NIN: variants seen among roughly 807,000 people sequenced by gnomAD.
NIN encodes the protein ninein.
A neutral mutation model predicts 257.6 loss-of-function variants in NIN; 137 were observed. The ratio of observed to expected loss-of-function variants is 0.53; its 90% CI spans 0.46 to 0.61. The LOEUF is 0.61. NIN is among the 20% of genes least tolerant of loss of function. The pLI is 0.00. For synonymous variants in NIN, 918 were observed against 919.8 expected (o/e 1.00, Z 0.04); for missense variants, 2,439 against 2,501.2 (o/e 0.98, Z 0.53).
chr14:50,726,668 A>C (rs1188391570), intron 29 of NIN, among the ~76,000 whole-genome samples: 1 of 152,186 alleles, frequency 6.6e-6, no homozygotes, highest in South Asian at 2.1e-4. Flanking sequence ...TTACTATCAG[A>C]GCAGATTGAA....
intron 30 of NIN, among the ~76,000 whole-genome samples, chr14:50,725,159 A>G (rs2040361338): frequency 6.6e-6 from 1 of 152,156 alleles, no homozygotes. Flanking sequence ...GTTGCTGTCT[A>G]CAGCTGAATT....
intron 3 of NIN, among the ~76,000 whole-genome samples, chr14:50,819,915 A>G (rs1188954755): frequency 1.3e-5 from 2 of 152,228 alleles, no homozygotes; most frequent in African/African-American, 4.8e-5. Context: ...CATGAAAATG[A>G]TAACACTTGG....
intron 29 of NIN, among the ~76,000 whole-genome samples, chr14:50,727,911 T>A (rs962696774): frequency 2.0e-5 from 3 of 152,132 alleles, no homozygotes; most frequent in African/African-American, 7.2e-5. Flanking sequence ...AGAGATCACA[T>A]CACTCCACAC....
Position 50,777,159 on chromosome 14 carries a change from T to C in NIN, c.476-20A>G, listed in dbSNP as rs1172100269. Reference sequence around the variant, plus strand: ...ACTGGCCTGAGAGAGAAGCATATGTTGCACGGTTTCCAAAGGAATTGCAAA... The same window carrying C: ...ACTGGCCTGAGAGAGAAGCATATGTCGCACGGTTTCCAAAGGAATTGCAAA... On this transcript the variant is annotated intron_variant, in intron 6 of 30. Coordinates refer to ENST00000530997, the MANE Select transcript of NIN (RefSeq NM_020921.4). 5 of 1,552,900 alleles carry C rather than the reference T, an allele frequency of 3.2e-6. No homozygotes were observed. Among genetic ancestry groups the C allele is most frequent in the Non-Finnish European group, 4.3e-6 (5 of 1,150,524 alleles).
intron 2 of NIN, among the ~76,000 whole-genome samples, chr14:50,825,046 G>A (rs543997195): frequency 2.0e-5 from 3 of 152,320 alleles, no homozygotes; most frequent in South Asian, 2.1e-4. Flanking sequence ...AAGTCCCCTC[G>A]ATTACAGCAT....
chr14:50,757,739 C>T lies in NIN; in HGVS notation c.3291G>A (p.Lys1097=), dbSNP rs1374867809. 1 of 1,614,174 alleles carries T rather than the reference C, an allele frequency of 6.2e-7. No homozygotes were observed. Among genetic ancestry groups the T allele is most frequent in the Non-Finnish European group, 8.5e-7 (1 of 1,180,022 alleles). ...EISRLQQRLQ[K]LEPGLVMSSC... ...AAGACATTACTAACCCTGGCTCTAA[C>T]TTTTGTAGCCTCTGTTGCAATCTAG... Residue 1097 remains lysine, a synonymous_variant, in exon 18 of 31, where the codon AAG becomes AAA. Coordinates refer to ENST00000530997, the MANE Select transcript of NIN (RefSeq NM_020921.4).
chr14:50,746,165 A>G (rs950562202), intron 22 of NIN, among the ~76,000 whole-genome samples: 1 of 152,114 alleles, frequency 6.6e-6, no homozygotes, highest in African/African-American at 2.4e-5. Context: ...TTCCCATACT[A>G]TGAATTTGAA....
rs1287724885 is a variant in NIN, at chr14:50,766,374, C to T, written c.1568G>A (p.Ser523Asn). The T allele has an allele frequency of 6.2e-7, 1 of 1,614,052 alleles. No individual in the cohort carries two copies. The highest frequency in any genetic ancestry group is 1.3e-5 in the African/African-American group (1 of 74,922). Residue 523 changes from serine (S) to asparagine (N), a missense_variant, in exon 14 of 31, where the codon AGT becomes AAT. Physicochemically the swap from Ser to Asn is conservative, Grantham distance 46. Transcript: ENST00000530997. Reference sequence around the variant, plus strand: ...CTCTTCTTGCAGGAAGAACTCAGCACTGCTAGGATCGAGGTCACCAAACTA... The same window carrying T: ...CTCTTCTTGCAGGAAGAACTCAGCATTGCTAGGATCGAGGTCACCAAACTA... ...AEKFGDLDPS[S>N]AEFFLQEERL... is the part of the protein sequence containing the mutation.
chr14:50,756,196 T>C (rs1422838021), intron 18 of NIN, among the ~76,000 whole-genome samples: 2 of 151,114 alleles, frequency 1.3e-5, no homozygotes, highest in Non-Finnish European at 2.9e-5. Context: ...ATGAAATAAG[T>C]GCTAGAAAAA....
chr14:50,736,668 C>T (rs1027960507), intron 27 of NIN, among the ~76,000 whole-genome samples: 1 of 152,184 alleles, frequency 6.6e-6, no homozygotes, highest in Non-Finnish European at 1.5e-5. Context: ...CCCTAATGAG[C>T]AGCTAAATGA....
intron 5 of NIN, among the ~76,000 whole-genome samples, chr14:50,790,946 T>A (rs1313821470): frequency 6.6e-6 from 1 of 152,242 alleles, no homozygotes; most frequent in African/African-American, 2.4e-5. Context: ...CCCAACAGCT[T>A]TCTGCGTATT....
In NIN at chr14:50,759,935, A is replaced by G. The variant is rs1379568588; in HGVS notation, c.2321T>C (p.Val774Ala). 7 of 1,613,820 alleles carry G rather than the reference A, an allele frequency of 4.3e-6. No individual in the cohort carries two copies. Among genetic ancestry groups the G allele is most frequent in the African/African-American group, 1.3e-5 (1 of 74,818 alleles). ...QFHQEQLTSLVEKHTLEKEEL... is the reference protein window; with the variant it reads ...QFHQEQLTSLAEKHTLEKEEL... ...CTCTTTCTCAAGAGTGTGTTTCTCCACCAGGCTTGTCAGCTGCTCCTGGTG... is the reference window on the plus strand; with the variant it reads ...CTCTTTCTCAAGAGTGTGTTTCTCCGCCAGGCTTGTCAGCTGCTCCTGGTG... The change falls in exon 17 of 31, where the codon GTG (valine) becomes GCG (alanine). Residue 774 changes from valine (V) to alanine (A), a missense_variant. Val to Ala is a moderately conservative substitution (Grantham distance 64). This residue lies in a region of NIN where 2,043 missense variants were observed against 2,050.2 expected (regional missense o/e 1.00). Coordinates refer to ENST00000530997, the MANE Select transcript of NIN (RefSeq NM_020921.4).
intron 21 of NIN, among the ~76,000 whole-genome samples, chr14:50,750,124 TAAA>T (rs1307449776): frequency 3.9e-5 from 6 of 152,072 alleles, no homozygotes; most frequent in Non-Finnish European, 7.4e-5. Flanking sequence ...CCTTTTTTTT[TAAA>T]ACATCTTTTT....
chr14:50,796,427 G>A (rs1035865990), intron 4 of NIN, among the ~76,000 whole-genome samples: 1 of 152,184 alleles, frequency 6.6e-6, no homozygotes, highest in Non-Finnish European at 1.5e-5. Flanking sequence ...TACAGAGCAC[G>A]TGGGGAAAAC....
chr14:50,770,288 T>G (rs1324844966), intron 12 of NIN, 100 bp downstream of exon 12: 1 of 1,217,524 alleles, frequency 8.2e-7, no homozygotes, highest in African/African-American at 1.5e-5. Context: ...GGAGGATTTT[T>G]GGACTGAACC....
intron 7 of NIN, among the ~76,000 whole-genome samples, chr14:50,775,625 C>T (rs544459866): frequency 6.6e-6 from 1 of 152,266 alleles, no homozygotes; most frequent in South Asian, 2.1e-4. Context: ...TCTACTTGTC[C>T]TCAGGCCAGA....
chr14:50,816,344 A>C (rs187355644), intron 3 of NIN, among the ~76,000 whole-genome samples: 1 of 152,186 alleles, frequency 6.6e-6, no homozygotes, highest in Non-Finnish European at 1.5e-5. Context: ...CATCCTGCAC[A>C]TGTACCCCAG....
intron 4 of NIN, among the ~76,000 whole-genome samples, chr14:50,802,445 T>G (rs950130415): frequency 1.3e-5 from 2 of 152,210 alleles, no homozygotes; most frequent in Non-Finnish European, 2.9e-5. Flanking sequence ...AGCCCAAGAC[T>G]ATAGAAATAA....
intron 27 of NIN, among the ~76,000 whole-genome samples, chr14:50,737,829 T>C (rs1448952876): frequency 6.6e-6 from 1 of 151,984 alleles, no homozygotes; most frequent in Non-Finnish European, 1.5e-5. Flanking sequence ...GTTTTTTTAG[T>C]AGAGATGGAG....
Sources: allele counts gnomAD v4.1 joint callset (sites outside exome capture counted in the v4.1 genomes callset), GRCh38; gene constraint gnomAD v4.1.1; regional missense constraint gnomAD v4.1.1; transcripts MANE v1.5; gene names NCBI Gene and HGNC (gene_info 2026-07-23, HGNC 2026-07-21).